KRTAP5-5: variants seen among roughly 807,000 people sequenced by gnomAD.
The protein encoded by KRTAP5-5 is keratin-associated protein 5-5.
A neutral mutation model predicts 2.8 loss-of-function variants in KRTAP5-5; 1 was observed. That is an observed-to-expected ratio of 0.35 (90% confidence interval 0.13 to 1.67). The LOEUF is 1.67. KRTAP5-5 is among the 40% of genes most tolerant of loss of function. The probability of loss-of-function intolerance (pLI) is 0.35; values close to 1 mark genes in which losing one functional copy is unlikely to be tolerated. For missense variants in KRTAP5-5, 134 were observed against 270.9 expected (o/e 0.49, Z 3.55); for synonymous variants, 83 against 110.6 (o/e 0.75, Z 1.57).
exon 1 of KRTAP5-5, chr11:1,630,674 C>G: frequency 7.4e-7 from 1 of 1,351,456 alleles, no homozygotes; most frequent in Admixed American, 1.8e-5. Context: ...TTCATCCACT[C>G]CACACCAGTG....
In KRTAP5-5 at chr11:1,629,977, G is replaced by GCTCC. The variant is rs1564964785; in HGVS notation, c.137_138insCTCC (p.Gly47SerfsTer135). 18 of 652,962 alleles carry GCTCC rather than the reference G, an allele frequency of 2.8e-5. No individual in the cohort carries two copies. The African/African-American group carries it at 4.1e-4, about 15-fold the overall frequency. The allele number at this position is 652,962 out of a possible 1,614,324, so 40.4% of individuals were successfully genotyped here. On this transcript the variant is annotated frameshift_variant, in exon 1 of 1. Transcript: ENST00000399676. LOFTEE classifies it low-confidence loss of function (END_TRUNC). Reference sequence around the variant, plus strand: ...TGTGGCTCCGGCTGTGGAGGCTGTGGGGGCTGTGGCTCCGGCTGTGCGGGC... The same window carrying GCTCC: ...TGTGGCTCCGGCTGTGGAGGCTGTGGCTCCGGGCTGTGGCTCCGGCTGTGCGGGC...
exon 1 of KRTAP5-5, chr11:1,630,668 TC>T: frequency 7.2e-7 from 1 of 1,397,294 alleles, no homozygotes; most frequent in Non-Finnish European, 1.0e-6. Flanking sequence ...ACTGGCTTCA[TC>T]CACTCCACAC....
chr11:1,630,427 C>T lies in KRTAP5-5; in HGVS notation c.587C>T (p.Ser196Phe), dbSNP rs199980437. ...TGCTGTAAGCCCTACTGCTGCCAGT[C>T]CAGCTGCTGTAAGCCCTGTAGCTGC... is the stretch of plus-strand genomic sequence containing the variant. The change falls in exon 1 of 1, where the codon TCC (serine) becomes TTC (phenylalanine). Residue 196 changes from serine to phenylalanine, a missense_variant. Physicochemically the swap from Ser to Phe is radical, Grantham distance 155 (BLOSUM62 -2). Coordinates refer to ENST00000399676, the Ensembl canonical transcript of KRTAP5-5. 302 of 1,588,442 alleles carry T rather than the reference C, an allele frequency of 1.9e-4. No homozygotes were observed. In the African/African-American group the frequency reaches 3.6e-3, roughly 19 times the overall value.
At chr11:1,630,500 C>T in exon 1 of KRTAP5-5, 1 of 1,610,980 alleles carries the variant, frequency 6.2e-7, no homozygotes, top group Non-Finnish European at 8.5e-7. Context: ...GCTACAAGCC[C>T]TGCTGCTGCC....
chr11:1,630,639 C>G, exon 1 of KRTAP5-5: 2 of 1,539,982 alleles, frequency 1.3e-6, no homozygotes, highest in Non-Finnish European at 1.8e-6. Context: ...TGGTGCTCCA[C>G]TGTCTCCACT....
At chr11:1,630,476 C>T (rs756932573) in exon 1 of KRTAP5-5, 10 of 1,610,982 alleles carry the variant, frequency 6.2e-6, no homozygotes, top group Non-Finnish European at 8.5e-6. Context: ...GATCATCCTG[C>T]TGCCAATCCA....
Position 1,630,317 on chromosome 11 carries a change from C to T in KRTAP5-5, c.477C>T (p.Cys159=), listed in dbSNP as rs193086302. 9,000 of 1,580,376 alleles carry T rather than the reference C, an allele frequency of 5.7e-3. 348 individuals carry two copies. The highest frequency in any genetic ancestry group is 9.5e-3 in the South Asian group (851 of 89,744). The change falls in exon 1 of 1, where the codon TGC becomes TGT. Residue 159 remains cysteine, a synonymous_variant. Coordinates refer to ENST00000399676, the Ensembl canonical transcript of KRTAP5-5. ...CTTATGGCTGCTCCCAGTCCAGCTG[C>T]TGCAAGCCCTGCTGCTGCTCCTCAG...
exon 1 of KRTAP5-5, chr11:1,630,589 T>G (rs1329246620): frequency 6.2e-7 from 1 of 1,611,060 alleles, no homozygotes; most frequent in Admixed American, 1.7e-5. Context: ...GCCTGACTGG[T>G]GAAGGGCCCG....
At chr11:1,629,820 C>T (rs1849716128) in exon 1 of KRTAP5-5, 1 of 1,610,428 alleles carries the variant, frequency 6.2e-7, no homozygotes, top group African/African-American at 1.3e-5. Flanking sequence ...CTACCTGCTC[C>T]ACCCTCAATC....
exon 1 of KRTAP5-5, chr11:1,630,242 G>T (rs1163582358): frequency 1.4e-6 from 1 of 714,184 alleles, no homozygotes; most frequent in South Asian, 1.5e-5. Context: ...CCTGTGGGGG[G>T]TCCAAGGGGG....
exon 1 of KRTAP5-5, chr11:1,629,849 C>G: frequency 6.8e-7 from 1 of 1,461,520 alleles, no homozygotes; most frequent in Non-Finnish European, 9.2e-7. Flanking sequence ...CCATGGGCTG[C>G]TGTGGCTGCT....
chr11:1,630,041 C>T, exon 1 of KRTAP5-5: 1 of 1,608,468 alleles, frequency 6.2e-7, no homozygotes, highest in South Asian at 1.1e-5. Flanking sequence ...TGCCTGTCTG[C>T]TGCTGCAAGC....
downstream of KRTAP5-5, among the ~76,000 whole-genome samples, chr11:1,630,868 T>C (rs887462661): frequency 1.8e-4 from 28 of 152,164 alleles, no homozygotes; most frequent in Admixed American, 1.5e-3. Flanking sequence ...TCAATCTCTC[T>C]GGCTGTCTGT....
rs762619274 is a variant in KRTAP5-5 at position 1,630,187 on chromosome 11, AG to A, written c.353del (p.Gly118AlafsTer133). 1.6e-6 allele frequency: 2 copies of A among 1,213,758 alleles called. No individual in the cohort carries two copies. The highest frequency in any genetic ancestry group is 2.8e-5 in the South Asian group (2 of 71,004). 75.2% of individuals were successfully genotyped at this position (1,213,758 alleles called of 1,614,324 possible). On this transcript the variant is annotated frameshift_variant, in exon 1 of 1. Transcript: ENST00000399676. LOFTEE classifies it low-confidence loss of function (END_TRUNC). ...GCCTGTGGCTCCTGTGGGGGGTCCA[AG>A]GGGGGCTGTGGCTCCTGTGGGGGGT...
chr11:1,629,939 T>C (rs71454095), exon 1 of KRTAP5-5: 731,269 of 1,317,002 alleles, frequency 0.56, 200,043 homozygotes, highest in African/African-American at 0.65. Flanking sequence ...GCTGTGGCTC[T>C]GGCTGTGGGG....
chr11:1,630,631 G>A (rs1426990391), exon 1 of KRTAP5-5: 2 of 1,571,492 alleles, frequency 1.3e-6, no homozygotes, highest in Non-Finnish European at 1.7e-6. Flanking sequence ...GGGTTCTCTG[G>A]TGCTCCACTG....
chr11:1,629,939 T>TGGCTGTGGGGGCTGTGGCTCC (rs1849723037), exon 1 of KRTAP5-5: 1 of 1,317,284 alleles, frequency 7.6e-7, no homozygotes. Flanking sequence ...GCTGTGGCTC[T>TGGCTGTGGGGGCTGTGGCTCC]GGCTGTGGGG....
chr11:1,630,461 C>T (rs375846662), exon 1 of KRTAP5-5: 123 of 1,608,206 alleles, frequency 7.6e-5, no homozygotes, highest in Non-Finnish European at 9.9e-5. Flanking sequence ...GCTTCTCAGG[C>T]TGTGGATCAT....
exon 1 of KRTAP5-5, chr11:1,629,965 G>A (rs754960480): frequency 8.0e-7 from 1 of 1,252,540 alleles, no homozygotes; most frequent in Admixed American, 2.4e-5. Flanking sequence ...GGCTCCGGCT[G>A]TGGAGGCTGT....
Sources: allele counts gnomAD v4.1 joint callset (sites outside exome capture counted in the v4.1 genomes callset), GRCh38; gene constraint gnomAD v4.1.1; transcripts MANE v1.5; gene names NCBI Gene and HGNC (gene_info 2026-07-23, HGNC 2026-07-21).